Variants in IL31RA observed in about 807,000 individuals in gnomAD.
IL31RA encodes interleukin-31 receptor subunit alpha.
IL31RA carries 66 observed loss-of-function variants against 83.7 expected under a neutral mutation model. That is an observed-to-expected ratio of 0.79 (90% CI 0.65 to 0.97). IL31RA has a LOEUF of 0.97. Ranked by LOEUF, IL31RA falls within the 50% of genes least tolerant of loss-of-function variation. IL31RA has a pLI of 0.00. For missense variants in IL31RA, 798 were observed against 919.4 expected (o/e 0.87, Z 1.71); for synonymous variants, 325 against 329.0 (o/e 0.99, Z 0.13).
At chr5:55,871,368 C>A (rs998656062) in intron 3 of IL31RA, among the ~76,000 whole-genome samples, 7 of 152,162 alleles carry the variant, frequency 4.6e-5, no homozygotes, top group African/African-American at 1.4e-4. Context: ...TCCCACACAC[C>A]AGCAAACACT....
At chr5:55,870,318 A>G (rs1746436048) in intron 3 of IL31RA, among the ~76,000 whole-genome samples, 1 of 152,236 alleles carries the variant, frequency 6.6e-6, no homozygotes. Context: ...TCTTAAGCCT[A>G]CAGGCTGTGC....
chr5:55,922,559 G>C lies in IL31RA; in HGVS notation c.*5439G>C. Reference sequence around the variant, plus strand: ...AACCATCTCTGAAGACTGGGTATGTGGTCTTTTCCACACATGGACCACCTA... The same window carrying C: ...AACCATCTCTGAAGACTGGGTATGTCGTCTTTTCCACACATGGACCACCTA... On this transcript the variant is annotated 3_prime_UTR_variant, in exon 15 of 15. Coordinates refer to ENST00000652347, the MANE Select transcript of IL31RA (RefSeq NM_139017.7). The C allele has an allele frequency of 2.6e-6, 2 of 763,658 alleles. No homozygotes were observed. The highest frequency in any genetic ancestry group is 3.7e-5 in the South Asian group (2 of 54,454). The allele number at this position is 763,658 out of a possible 1,614,324, so 47.3% of individuals were successfully genotyped here.
At chr5:55,893,841 TCACTCTGTCACC>T (rs1748167198) in intron 6 of IL31RA, among the ~76,000 whole-genome samples, 1 of 146,238 alleles carries the variant, frequency 6.8e-6, no homozygotes, top group African/African-American at 2.6e-5. Flanking sequence ...AGACGGGGTC[TCACTCTGTCACC>T]CAGACTGAAA....
intron 2 of IL31RA, among the ~76,000 whole-genome samples, chr5:55,863,981 C>G (rs1358936734): frequency 6.6e-6 from 1 of 152,068 alleles, no homozygotes; most frequent in Non-Finnish European, 1.5e-5. Flanking sequence ...AGGATCTATT[C>G]CTCCATTGAT....
At position 55,868,976 on chromosome 5, in the gene IL31RA, G is replaced by T. The variant is rs920303668; in HGVS notation, c.272+68G>T. ...AGGCAGAGGCTTCTGATTCATTCAT[G>T]ATTCACATCCCATATGAAGCAAAAA... is the stretch of plus-strand genomic sequence containing the variant. On this transcript the variant is annotated intron_variant, in intron 3 of 14. Coordinates refer to ENST00000652347, the MANE Select transcript of IL31RA (RefSeq NM_139017.7). The T allele has an allele frequency of 4.7e-4, 426 of 899,384 alleles. 1 individual carries two copies. The highest frequency in any genetic ancestry group is 7.7e-5 in the Non-Finnish European group (41 of 534,656). The allele number at this position is 899,384 out of a possible 1,614,324, so 55.7% of individuals were successfully genotyped here. A position where few individuals can be genotyped will look rare whatever the true frequency, so the allele number is the denominator to read the frequency against.
chr5:55,859,462 GA>G (rs1341480787), intron 1 of IL31RA, 46 bp from the exon 2 acceptor site: 13 of 1,343,580 alleles, frequency 9.7e-6, no homozygotes, highest in Non-Finnish European at 1.4e-5. Context: ...TAGAGCTTTT[GA>G]AAAGAGATAT....
chr5:55,869,129 G>A (rs1042817838), intron 3 of IL31RA, among the ~76,000 whole-genome samples: 1 of 152,220 alleles, frequency 6.6e-6, no homozygotes, highest in African/African-American at 2.4e-5. Context: ...CATTGGCTGA[G>A]ATGAGTCACC....
intron 5 of IL31RA, among the ~76,000 whole-genome samples, chr5:55,885,848 G>A (rs1047040060): frequency 2.0e-4 from 30 of 152,076 alleles, no homozygotes; most frequent in Admixed American, 1.6e-3. Flanking sequence ...AGCAGTCCCC[G>A]GTATAGCACA....
chr5:55,870,544 A>C (rs1746448986), intron 3 of IL31RA, among the ~76,000 whole-genome samples: 1 of 152,090 alleles, frequency 6.6e-6, no homozygotes. Context: ...TTATAGAGAC[A>C]TTTCCCCTCT....
In IL31RA at chr5:55,917,918, A is replaced by C. The variant is rs544352353; in HGVS notation, c.*798A>C. Among the ~76,000 whole-genome samples, 57 of 152,284 alleles carry C rather than the reference A, an allele frequency of 3.7e-4. No homozygotes were observed. The highest frequency in any genetic ancestry group is 1.3e-3 in the African/African-American group (55 of 41,568). On this transcript the variant is annotated 3_prime_UTR_variant, in exon 15 of 15. Coordinates refer to ENST00000652347, the MANE Select transcript of IL31RA (RefSeq NM_139017.7). ...GGCACCTGACATTGCAGTGGTTGTCATATAGGGACGCTGGCCCCTCACACT... is the reference window on the plus strand; with the variant it reads ...GGCACCTGACATTGCAGTGGTTGTCCTATAGGGACGCTGGCCCCTCACACT...
Position 55,903,340 on chromosome 5 carries a change from T to A in IL31RA, c.1070-2766T>A, listed in dbSNP as rs1748939794. Among the ~76,000 whole-genome samples, 1 of 152,200 alleles carries A rather than the reference T, an allele frequency of 6.6e-6. No individual in the cohort carries two copies. ...CTTCATGCAGATCACAAGAAATCAA[T>A]GGCTTTCACAGTCAAAGCCCCTCCC... On this transcript the variant is annotated intron_variant, in intron 8 of 14. Transcript: ENST00000652347. This position sits in a 1 kb window ranked among gnomAD's most constrained non-coding sequence, Gnocchi z 4.7.
intron 2 of IL31RA, among the ~76,000 whole-genome samples, chr5:55,864,889 A>G (rs1195204264): frequency 6.6e-6 from 1 of 151,140 alleles, no homozygotes; most frequent in East Asian, 2.0e-4. Flanking sequence ...TGACATACAC[A>G]CCGCACACTA....
In IL31RA at chr5:55,851,603, G is replaced by C. The variant is rs371900126; in HGVS notation, c.33G>C (p.Thr11=). Residue 11 remains threonine, a synonymous_variant, in exon 1 of 15, where the codon ACG becomes ACC. Transcript: ENST00000652347. MCIRQLKFFT[T]ACVCECPQNI... ...TCAGGCAACTCAAGTTTTTCACCAC[G>C]GCATGTGTCTGTGAATGTCCGCAAA... The C allele has an allele frequency of 5.6e-5, 90 of 1,613,890 alleles. No homozygotes were observed. The African/African-American group carries it at 1.1e-3, about 19-fold the overall frequency.
intron 11 of IL31RA, among the ~76,000 whole-genome samples, chr5:55,909,573 C>T (rs539891088): frequency 3.1e-4 from 47 of 152,072 alleles, no homozygotes; most frequent in Middle Eastern, 3.4e-3. Context: ...CTTGTCAATA[C>T]GTGTTATTTT....
chr5:55,907,977 A>C (rs1749258811), intron 10 of IL31RA, among the ~76,000 whole-genome samples: 1 of 152,240 alleles, frequency 6.6e-6, no homozygotes, highest in South Asian at 2.1e-4. Context: ...ACTATTTGAT[A>C]ATAACTACAC....
rs1580724887 is a variant in IL31RA at position 55,899,814 on chromosome 5, A to T, written c.853-102A>T. ...ACCTGATTGTAGTTTAGTATCTAATAGTTAGCCTTATTCCCCACCCTCACC... is the reference window on the plus strand; with the variant it reads ...ACCTGATTGTAGTTTAGTATCTAATTGTTAGCCTTATTCCCCACCCTCACC... On this transcript the variant is annotated intron_variant, in intron 7 of 14. Coordinates refer to ENST00000652347, the MANE Select transcript of IL31RA (RefSeq NM_139017.7). 2.9e-5 allele frequency: 22 copies of T among 769,688 alleles called. No homozygotes were observed. In the East Asian group the frequency reaches 5.8e-4, roughly 20 times the overall value. The allele number at this position is 769,688 out of a possible 1,614,324, so 47.7% of individuals were successfully genotyped here.
intron 7 of IL31RA, among the ~76,000 whole-genome samples, chr5:55,897,307 G>A (rs1390957903): frequency 6.6e-6 from 1 of 151,432 alleles, no homozygotes; most frequent in Admixed American, 6.6e-5. Context: ...AGGTCATCTT[G>A]CAGATGGCCC....
intron 14 of IL31RA, 57 bp from the exon 15 acceptor site, chr5:55,916,587 G>A: frequency 1.4e-6 from 2 of 1,460,446 alleles, no homozygotes; most frequent in South Asian, 1.1e-5. Flanking sequence ...CGAGTTTTTG[G>A]CTATGTCATA....
rs748001461 is a variant in IL31RA at position 55,916,959 on chromosome 5, C to T, written c.2134C>T (p.Arg712Cys). Residue 712 changes from arginine to cysteine, a missense_variant, in exon 15 of 15, where the codon CGC becomes TGC. Arg to Cys is a radical substitution (Grantham distance 180). Coordinates refer to ENST00000652347, the MANE Select transcript of IL31RA (RefSeq NM_139017.7). Reference sequence around the variant, plus strand: ...ACGTTCGAGGATGCCAGAGGGGACCCGCCCAGAAGCCAAAGAGCAGCTTCT... The same window carrying T: ...ACGTTCGAGGATGCCAGAGGGGACCTGCCCAGAAGCCAAAGAGCAGCTTCT... The part of the protein sequence containing the change: ...YLRSRMPEGT[R>C]PEAKEQLLFS... 1.5e-5 allele frequency: 24 copies of T among 1,613,756 alleles called. No homozygotes were observed. The East Asian group carries it at 2.7e-4, about 18-fold the overall frequency.
Sources: allele counts gnomAD v4.1 joint callset (sites outside exome capture counted in the v4.1 genomes callset), GRCh38; gene constraint gnomAD v4.1.1; non-coding constraint Gnocchi (gnomAD v3.1); transcripts MANE v1.5; gene names NCBI Gene and HGNC (gene_info 2026-07-23, HGNC 2026-07-21).